ARHGAP5: variants seen among roughly 807,000 people sequenced by gnomAD.
ARHGAP5 encodes the protein Rho GTPase activating protein 5.
A neutral mutation model predicts 116.6 loss-of-function variants in ARHGAP5; 23 were observed. That is an observed-to-expected ratio of 0.20 (90% confidence interval 0.14 to 0.28). The LOEUF is 0.28. Ranked by LOEUF, ARHGAP5 falls within the 10% of genes least tolerant of loss-of-function variation. The pLI, the probability that ARHGAP5 is intolerant of heterozygous loss-of-function variation, is 1.00. For synonymous variants in ARHGAP5, 574 were observed against 602.0 expected (o/e 0.95, Z 0.68); for missense variants, 1,405 against 1,774.8 (o/e 0.79, Z 3.74).
rs1439706525 is a variant in ARHGAP5 at position 32,158,142 on chromosome 14, G to C, written c.*3194G>C. 5 of 151,592 alleles carry C rather than the reference G, an allele frequency of 3.3e-5. No individual in the cohort carries two copies. The highest frequency in any genetic ancestry group is 7.4e-5 in the Non-Finnish European group (5 of 67,688). The allele number at this position is 151,592 out of a possible 1,614,324, so 9.4% of individuals were successfully genotyped here. A position where few individuals can be genotyped will look rare whatever the true frequency, so the allele number is the denominator to read the frequency against. ...ACATTAAGAAGCTGTGTAATTTTAAGTTATAGTTGCCTCTATTTTTACCAT... is the reference window on the plus strand; with the variant it reads ...ACATTAAGAAGCTGTGTAATTTTAACTTATAGTTGCCTCTATTTTTACCAT... On this transcript the variant is annotated 3_prime_UTR_variant, in exon 7 of 7. Transcript: ENST00000345122.
intron 3 of ARHGAP5, among the ~76,000 whole-genome samples, chr14:32,125,182 C>T (rs1050129901): frequency 6.6e-6 from 1 of 152,210 alleles, no homozygotes; most frequent in African/African-American, 2.4e-5. Context: ...CCCACTACTC[C>T]AGTCCCTGGC....
At chr14:32,082,536 T>G (rs2041787500) in intron 1 of ARHGAP5, among the ~76,000 whole-genome samples, 1 of 152,146 alleles carries the variant, frequency 6.6e-6, no homozygotes, top group South Asian at 2.1e-4. Context: ...ATTGCTCTTT[T>G]ATTGATTAAT....
At position 32,146,312 on chromosome 14, in the gene ARHGAP5, A is replaced by G. The variant is rs1488699487; in HGVS notation, c.3915A>G (p.Gln1305=). 2 of 1,613,336 alleles carry G rather than the reference A, an allele frequency of 1.2e-6. No homozygotes were observed. Among genetic ancestry groups the G allele is most frequent in the Non-Finnish European group, 1.7e-6 (2 of 1,179,228 alleles). ...LYRVSGNKTD[Q]DNIQKQFDQD... ...GTGTCAGCGGGAATAAAACTGACCA[A>G]GACAATATTCAAAAGCAGTTTGATC... is the stretch of plus-strand genomic sequence containing the variant. The change falls in exon 4 of 7, where the codon CAA becomes CAG. Residue 1305 remains glutamine (Q), a synonymous_variant. Transcript: ENST00000345122.
chr14:32,145,187 G>A (rs149817372), intron 3 of ARHGAP5, among the ~76,000 whole-genome samples: 16 of 152,274 alleles, frequency 1.1e-4, no homozygotes, highest in Middle Eastern at 3.4e-3. Flanking sequence ...AGCATGGTGG[G>A]GTAGGTAGGG....
chr14:32,150,484 C>G (rs1881589537), intron 5 of ARHGAP5, among the ~76,000 whole-genome samples: 1 of 152,076 alleles, frequency 6.6e-6, no homozygotes. Flanking sequence ...AGTTCAGGGT[C>G]AAGGAGGCCT....
At chr14:32,122,558 A>G (rs546152910) in intron 3 of ARHGAP5, among the ~76,000 whole-genome samples, 7 of 152,196 alleles carry the variant, frequency 4.6e-5, no homozygotes, top group South Asian at 4.1e-4. Context: ...CACTGTGTGC[A>G]TGGTGTCATG....
At chr14:32,106,489 T>C (rs1037671220) in intron 2 of ARHGAP5, among the ~76,000 whole-genome samples, 1 of 152,220 alleles carries the variant, frequency 6.6e-6, no homozygotes, top group Non-Finnish European at 1.5e-5. Context: ...TCACCAATAT[T>C]TGTGGTGCAG....
At chr14:32,125,048 T>C (rs1175499340) in intron 3 of ARHGAP5, among the ~76,000 whole-genome samples, 1 of 152,204 alleles carries the variant, frequency 6.6e-6, no homozygotes, top group Non-Finnish European at 1.5e-5. Flanking sequence ...CATTTTGAAA[T>C]GTACAGTTCA....
At position 32,092,253 on chromosome 14, in the gene ARHGAP5, T is replaced by G; in HGVS notation, c.1584T>G (p.Tyr528Ter). 6.2e-7 allele frequency: 1 copy of G among 1,613,480 alleles called. No individual in the cohort carries two copies. Among genetic ancestry groups the G allele is most frequent in the Non-Finnish European group, 8.5e-7 (1 of 1,179,674 alleles). The change falls in exon 2 of 7, where the codon TAT becomes TAG. Residue 528 changes from tyrosine (Y) to a stop codon, truncating the protein, a stop_gained. Coordinates refer to ENST00000345122, the MANE Select transcript of ARHGAP5 (RefSeq NM_001030055.2). LOFTEE classifies it high-confidence loss of function. This position sits in a 1 kb window ranked among gnomAD's most constrained non-coding sequence, Gnocchi z 4.1. Reference sequence around the variant, plus strand: ...CAGTTCTGAGTGAAGAACCTAGATATAAAGCTTTACAGAAACTTGCACCTG... The same window carrying G: ...CAGTTCTGAGTGAAGAACCTAGATAGAAAGCTTTACAGAAACTTGCACCTG... The part of the protein sequence containing the change: ...IHTVLSEEPR[Y>*]KALQKLAPDR...
At chr14:32,116,694 T>C (rs1415017981) in intron 2 of ARHGAP5, among the ~76,000 whole-genome samples, 2 of 152,198 alleles carry the variant, frequency 1.3e-5, no homozygotes, top group Non-Finnish European at 2.9e-5. Context: ...CATGGAGTTA[T>C]ATAGCATCAT....
chr14:32,132,776 A>G (rs1309821669), intron 3 of ARHGAP5, among the ~76,000 whole-genome samples: 1 of 152,190 alleles, frequency 6.6e-6, no homozygotes, highest in Admixed American at 6.5e-5. Flanking sequence ...GGTGTAAGGA[A>G]GGGATCCAGT....
At chr14:32,103,379 A>G (rs1245390022) in intron 2 of ARHGAP5, among the ~76,000 whole-genome samples, 1 of 152,184 alleles carries the variant, frequency 6.6e-6, no homozygotes, top group East Asian at 1.9e-4. Context: ...TTAAGACTTA[A>G]TTGGAAAGAT....
rs1428084064 is a variant in ARHGAP5, at chr14:32,149,952, G to A, written c.3994G>A (p.Gly1332Arg). The A allele has an allele frequency of 3.7e-6, 6 of 1,602,264 alleles. No homozygotes were observed. Among genetic ancestry groups the A allele is most frequent in the Non-Finnish European group, 5.1e-6 (6 of 1,173,086 alleles). ...GGAAGTAACAGTAAATGCTGTAGCT[G>A]GAGCCCTTAAAGCTTTCTTTGCAGA... ...SMEVTVNAVAGALKAFFADLP... is the reference protein window; with the variant it reads ...SMEVTVNAVARALKAFFADLP... The change falls in exon 5 of 7, where the codon GGA (glycine) becomes AGA (arginine). Residue 1332 changes from glycine to arginine, a missense_variant. This residue lies in a region of ARHGAP5 where 176 missense variants were observed against 221.2 expected (regional missense o/e 0.80). Transcript: ENST00000345122.
chr14:32,107,392 A>C (rs1263284304), intron 2 of ARHGAP5, among the ~76,000 whole-genome samples: 1 of 152,198 alleles, frequency 6.6e-6, no homozygotes, highest in African/African-American at 2.4e-5. Flanking sequence ...TGTTACCATA[A>C]ATGGTATATA....
In ARHGAP5 at chr14:32,115,990, G is replaced by A. The variant is rs573062828; in HGVS notation, c.3718-1150G>A. On this transcript the variant is annotated intron_variant, in intron 2 of 6. Coordinates refer to ENST00000345122, the MANE Select transcript of ARHGAP5 (RefSeq NM_001030055.2). Reference sequence around the variant, plus strand: ...AAGCTGGGTGATAGAGCGAGACTCCGTCTAAAAAAAAAAGCTACTGGGCGC... The same window carrying A: ...AAGCTGGGTGATAGAGCGAGACTCCATCTAAAAAAAAAAGCTACTGGGCGC... Among the ~76,000 whole-genome samples, 52 of 145,890 alleles carry A rather than the reference G, an allele frequency of 3.6e-4. No individual in the cohort carries two copies. In the East Asian group the frequency reaches 6.1e-3, roughly 17 times the overall value.
intron 2 of ARHGAP5, among the ~76,000 whole-genome samples, chr14:32,114,882 G>A (rs1879475856): frequency 1.3e-5 from 2 of 152,252 alleles, no homozygotes; most frequent in Middle Eastern, 3.4e-3. Flanking sequence ...CTGCCTGTGC[G>A]CCTTCCCCTG....
In ARHGAP5 at chr14:32,092,525, C is replaced by T. The variant is rs1432660669; in HGVS notation, c.1856C>T (p.Thr619Ile). The change falls in exon 2 of 7, where the codon ACT becomes ATT. Residue 619 changes from threonine to isoleucine, a missense_variant. This residue lies in a region of ARHGAP5 where 944 missense variants were observed against 1,095.3 expected (regional missense o/e 0.86). Coordinates refer to ENST00000345122, the MANE Select transcript of ARHGAP5 (RefSeq NM_001030055.2). The surrounding 1 kb of genome is among the most constrained non-coding windows in gnomAD (Gnocchi z 4.1). The part of the protein sequence containing the change: ...ELANEIRTQS[T>I]DDEYALDGKI... ...GCAAATGAGATAAGGACACAATCCACTGATGATGAGTATGCCTTAGATGGA... is the reference window on the plus strand; with the variant it reads ...GCAAATGAGATAAGGACACAATCCATTGATGATGAGTATGCCTTAGATGGA... 6.2e-7 allele frequency: 1 copy of T among 1,614,014 alleles called. No individual in the cohort carries two copies. Among genetic ancestry groups the T allele is most frequent in the East Asian group, 2.2e-5 (1 of 44,880 alleles).
intron 2 of ARHGAP5, among the ~76,000 whole-genome samples, chr14:32,098,402 G>T (rs899319011): frequency 1.1e-4 from 17 of 152,160 alleles, no homozygotes; most frequent in African/African-American, 4.1e-4. Flanking sequence ...GTGAGGAAAG[G>T]CCTTCTTGAA....
At chr14:32,150,116 A>G in intron 5 of ARHGAP5, 83 bp downstream of exon 5, 1 of 1,126,454 alleles carries the variant, frequency 8.9e-7, no homozygotes, top group Non-Finnish European at 1.2e-6. Flanking sequence ...ATCATCATGT[A>G]CTAGAATATG....
Sources: allele counts gnomAD v4.1 joint callset (sites outside exome capture counted in the v4.1 genomes callset), GRCh38; gene constraint gnomAD v4.1.1; regional missense constraint gnomAD v4.1.1; non-coding constraint Gnocchi (gnomAD v3.1); transcripts MANE v1.5; gene names NCBI Gene and HGNC (gene_info 2026-07-23, HGNC 2026-07-21).